Variants in STK3 observed in about 807,000 individuals in gnomAD.
The protein encoded by STK3 is serine/threonine kinase 3, also known as serine/threonine-protein kinase 3.
A neutral mutation model predicts 58.0 loss-of-function variants in STK3; 41 were observed. The ratio of observed to expected loss-of-function variants is 0.71; its 90% confidence interval spans 0.55 to 0.92. The LOEUF (loss-of-function observed/expected upper bound fraction) is 0.92. Among genes scored for constraint, STK3 ranks in the 40% least tolerant of loss-of-function variants. STK3 has a pLI of 0.00. For missense variants in STK3, 479 were observed against 602.7 expected (o/e 0.79, Z 2.15); for synonymous variants, 170 against 191.0 (o/e 0.89, Z 0.91).
intron 3 of STK3, among the ~76,000 whole-genome samples, chr8:98,406,501 G>A (rs1020291176): frequency 1.3e-5 from 2 of 151,952 alleles, no homozygotes; most frequent in Non-Finnish European, 2.9e-5. Context: ...CTTTGTGTCT[G>A]CCCCCACACA....
chr8:98,936,808 G>T (rs1840215512), intron 1 of STK3, among the ~76,000 whole-genome samples: 1 of 152,214 alleles, frequency 6.6e-6, no homozygotes, highest in Non-Finnish European at 1.5e-5. Flanking sequence ...AAACACTGCT[G>T]CCTGGTGTTC....
intron 3 of STK3, among the ~76,000 whole-genome samples, chr8:98,833,384 G>T (rs1835614440): frequency 6.6e-6 from 1 of 152,174 alleles, no homozygotes; most frequent in African/African-American, 2.4e-5. Context: ...GGAGCCTCCA[G>T]GTAGCTGACT....
At chr8:98,822,553 A>G (rs1419837300) in intron 1 of STK3, among the ~76,000 whole-genome samples, 1 of 152,256 alleles carries the variant, frequency 6.6e-6, no homozygotes, top group Non-Finnish European at 1.5e-5. Flanking sequence ...TGTATATCAC[A>G]TTAGGAATTC....
At chr8:98,679,503 C>G (rs1389779231) in intron 6 of STK3, among the ~76,000 whole-genome samples, 7 of 152,150 alleles carry the variant, frequency 4.6e-5, no homozygotes, top group Non-Finnish European at 8.8e-5. Context: ...TACTCTAGCA[C>G]TTATGACTAT....
intron 7 of STK3, among the ~76,000 whole-genome samples, chr8:98,589,592 C>T (rs1815063858): frequency 6.6e-6 from 1 of 152,256 alleles, no homozygotes; most frequent in Non-Finnish European, 1.5e-5. Context: ...CCTACAGATG[C>T]AGGCAGGCCT....
chr8:98,584,374 T>C (rs1014655128), intron 7 of STK3, among the ~76,000 whole-genome samples: 8 of 152,030 alleles, frequency 5.3e-5, no homozygotes, highest in African/African-American at 1.9e-4. Flanking sequence ...TTGCGATAGT[T>C]TACTGAGAAT....
chr8:98,628,537 C>T (rs965183826), intron 6 of STK3, among the ~76,000 whole-genome samples: 3 of 152,094 alleles, frequency 2.0e-5, no homozygotes, highest in African/African-American at 7.2e-5. Context: ...TGGCTCACAC[C>T]TGTAATCCCA....
intron 1 of STK3, among the ~76,000 whole-genome samples, chr8:98,821,385 G>T (rs1418013557): frequency 6.6e-6 from 1 of 151,940 alleles, no homozygotes; most frequent in Non-Finnish European, 1.5e-5. Flanking sequence ...CTGGTCCCTG[G>T]TGCCAAAATG....
At chr8:98,421,775 CA>C (rs1228029119) in intron 3 of STK3, among the ~76,000 whole-genome samples, 1 of 151,938 alleles carries the variant, frequency 6.6e-6, no homozygotes, top group African/African-American at 2.4e-5. Flanking sequence ...GACTCTGTCT[CA>C]AAAATAAATA....
intron 6 of STK3, among the ~76,000 whole-genome samples, chr8:98,687,568 A>T (rs74789773): frequency 6.6e-6 from 1 of 152,222 alleles, no homozygotes; most frequent in Non-Finnish European, 1.5e-5. Context: ...AACCCATCAG[A>T]CTAACAGTAG....
At chr8:98,885,401 T>C (rs148544525) in intron 1 of STK3, among the ~76,000 whole-genome samples, 11 of 152,314 alleles carry the variant, frequency 7.2e-5, no homozygotes, top group Non-Finnish European at 1.5e-4. Context: ...TGGCATTTCT[T>C]AGAGTTTTAT....
At position 98,638,264 on chromosome 8, in the gene STK3, A is replaced by C. The variant is rs78303859; in HGVS notation, c.685-42095T>G. Among the ~76,000 whole-genome samples, 990 of 152,340 alleles carry C rather than the reference A, an allele frequency of 6.5e-3. 8 individuals carry two copies. Among genetic ancestry groups the C allele is most frequent in the African/African-American group, 0.022 (913 of 41,574 alleles). On this transcript the variant is annotated intron_variant, in intron 6 of 10. Coordinates refer to ENST00000419617, the MANE Select transcript of STK3 (RefSeq NM_006281.4). ...ACTCTTCATTCACCATTATTACAAA[A>C]ATGGAAGTCTCCAAATATGTAAACT...
At chr8:98,409,425 C>A (rs1818031648) in intron 3 of STK3, among the ~76,000 whole-genome samples, 1 of 152,218 alleles carries the variant, frequency 6.6e-6, no homozygotes, top group African/African-American at 2.4e-5. Context: ...TTCCCTGCAT[C>A]CTTCAGTCTC....
At chr8:98,658,908 T>C (rs1256798585) in intron 6 of STK3, among the ~76,000 whole-genome samples, 3 of 152,116 alleles carry the variant, frequency 2.0e-5, no homozygotes, top group Non-Finnish European at 4.4e-5. Context: ...AAAAAAATTA[T>C]GCCCTAAATA....
chr8:98,722,031 A>G (rs1274129443), intron 4 of STK3, among the ~76,000 whole-genome samples: 1 of 152,304 alleles, frequency 6.6e-6, no homozygotes, highest in African/African-American at 2.4e-5. Context: ...AAAGTGAAAC[A>G]TAACCAAAAA....
At chr8:98,865,713 G>A (rs1012154198) in intron 3 of STK3, among the ~76,000 whole-genome samples, 4 of 152,228 alleles carry the variant, frequency 2.6e-5, no homozygotes, top group African/African-American at 4.8e-5. Flanking sequence ...GTTATACGAC[G>A]TGCCTTTAAA....
At chr8:98,620,623 T>C (rs1031663524) in intron 6 of STK3, among the ~76,000 whole-genome samples, 3 of 150,218 alleles carry the variant, frequency 2.0e-5, no homozygotes, top group Admixed American at 6.6e-5. Context: ...ATGCTGCTAC[T>C]TGAAGAGCCT....
In STK3 at chr8:98,419,190, G is replaced by A. The variant is rs549220769; in HGVS notation, n.483+14937C>T. On this transcript the variant is annotated intron_variant and non_coding_transcript_variant, in intron 3 of 3. Transcript: ENST00000517832. ...AGCCTGGCCAACATGGTGAAACCCC[G>A]TCTCTACGAAAAATAAAAAAATTAG... is the stretch of plus-strand genomic sequence containing the variant. 3.3e-5 allele frequency among the ~76,000 whole-genome samples: 5 copies of A among 152,190 alleles called. No homozygotes were observed. In the South Asian group the frequency reaches 8.3e-4, roughly 25 times the overall value.
chr8:98,555,151 T>C (rs1022095149), intron 8 of STK3, among the ~76,000 whole-genome samples: 9 of 152,120 alleles, frequency 5.9e-5, no homozygotes, highest in Non-Finnish European at 8.8e-5. Context: ...AAAACATTAT[T>C]AGGAAATCCT....
Sources: allele counts gnomAD v4.1 joint callset (sites outside exome capture counted in the v4.1 genomes callset), GRCh38; gene constraint gnomAD v4.1.1; transcripts MANE v1.5; gene names NCBI Gene and HGNC (gene_info 2026-07-23, HGNC 2026-07-21).